The following TMCC3 variants were observed in gnomAD, a reference collection of about 807,000 sequenced individuals.
TMCC3 encodes the protein transmembrane and coiled-coil domain family 3.
In TMCC3, 28 loss-of-function variants were observed where a neutral mutation model predicts 40.2. That is an observed-to-expected ratio of 0.70 (90% confidence interval 0.52 to 0.95). The LOEUF (loss-of-function observed/expected upper bound fraction) is 0.95. Ranked by LOEUF, TMCC3 falls within the 40% of genes least tolerant of loss-of-function variation. The pLI, the probability that TMCC3 is intolerant of heterozygous loss-of-function variation, is 0.00. For missense variants in TMCC3, 554 were observed against 615.2 expected, an observed-to-expected ratio of 0.90 and a Z score of 1.05; for synonymous variants, 255 against 248.5, an observed-to-expected ratio of 1.03 and a Z score of -0.25.
chr12:94,571,114 T>C lies in TMCC3; in HGVS notation c.*321A>G, dbSNP rs141407604. Reference sequence around the variant, plus strand: ...GACAGAGACTTAGGAGAGAGACCTCTTTCTTCAGGATCACCAATTATGCCA... The same window carrying C: ...GACAGAGACTTAGGAGAGAGACCTCCTTCTTCAGGATCACCAATTATGCCA... On this transcript the variant is annotated 3_prime_UTR_variant, in exon 4 of 4. Transcript: ENST00000261226. The C allele has an allele frequency of 0.013, 3,960 of 298,196 alleles. 43 individuals are homozygous for C. The highest frequency in any genetic ancestry group is 0.017 in the Non-Finnish European group (2,652 of 159,114). The allele number at this position is 298,196 out of a possible 1,614,324, so 18.5% of individuals were successfully genotyped here. A position where few individuals can be genotyped will look rare whatever the true frequency, so the allele number is the denominator to read the frequency against.
At chr12:94,648,957 C>T (rs1055055721) in intron 1 of TMCC3, among the ~76,000 whole-genome samples, 5 of 152,218 alleles carry the variant, frequency 3.3e-5, no homozygotes, top group Admixed American at 6.5e-5. Flanking sequence ...AGCATTACAG[C>T]TATCCAAGAA....
chr12:94,579,717 A>C (rs1160199738), intron 2 of TMCC3, among the ~76,000 whole-genome samples: 1 of 152,236 alleles, frequency 6.6e-6, no homozygotes, highest in Non-Finnish European at 1.5e-5. Context: ...ATTCTCAGGC[A>C]TGACTTCTCA....
chr12:94,625,774 C>T (rs1594293737), intron 1 of TMCC3, among the ~76,000 whole-genome samples: 2 of 152,176 alleles, frequency 1.3e-5, no homozygotes, highest in South Asian at 2.1e-4. Flanking sequence ...TGCCCTGCAG[C>T]AGTCACTACT....
At position 94,571,418 on chromosome 12, in the gene TMCC3, G is replaced by A. The variant is rs200168281; in HGVS notation, c.*17C>T. The A allele has an allele frequency of 3.2e-4, 507 of 1,603,198 alleles. No homozygotes were observed. The highest frequency in any genetic ancestry group is 4.2e-4 in the Non-Finnish European group (490 of 1,172,506). ...AAATAAAAACTTGAAAGAACTTGAA[G>A]GCAGGAACCAGTGGCTTCATCTTGG... On this transcript the variant is annotated 3_prime_UTR_variant, in exon 4 of 4. Coordinates refer to ENST00000261226, the MANE Select transcript of TMCC3 (RefSeq NM_020698.4).
At chr12:94,622,984 T>C (rs1012867172) in intron 1 of TMCC3, among the ~76,000 whole-genome samples, 1 of 152,200 alleles carries the variant, frequency 6.6e-6, no homozygotes, top group African/African-American at 2.4e-5. Context: ...TACAAATAAA[T>C]ACCTAGGCAA....
chr12:94,617,345 G>A (rs1467480648), intron 1 of TMCC3, among the ~76,000 whole-genome samples: 2 of 152,164 alleles, frequency 1.3e-5, no homozygotes, highest in African/African-American at 4.8e-5. Flanking sequence ...TCAAATCCCA[G>A]CTTCTGCCTC....
At chr12:94,613,391 T>C (rs777214407) in intron 1 of TMCC3, among the ~76,000 whole-genome samples, 22 of 152,052 alleles carry the variant, frequency 1.4e-4, no homozygotes, top group Non-Finnish European at 3.1e-4. Context: ...AGGATGAGCC[T>C]GGGAGGTTGA....
In TMCC3 at chr12:94,575,808, T is replaced by A. The variant is rs999396036; in HGVS notation, c.1131+2586A>T. Among the ~76,000 whole-genome samples the A allele has an allele frequency of 2.6e-5, 4 of 152,334 alleles. No homozygotes were observed. In the South Asian group the frequency reaches 8.3e-4, roughly 32 times the overall value. On this transcript the variant is annotated intron_variant, in intron 3 of 3. Transcript: ENST00000261226. ...CTGTTCACTTGGCAACATTTTTATT[T>A]GTTTTTTGGAGACAAGGTCTTGCTC...
Position 94,568,813 on chromosome 12 carries a change from ATT to A in TMCC3, c.*2620_*2621del, listed in dbSNP as rs894482622. On this transcript the variant is annotated 3_prime_UTR_variant, in exon 4 of 4. Coordinates refer to ENST00000261226, the MANE Select transcript of TMCC3 (RefSeq NM_020698.4). ...CCAAGTGAAAACAAGGTTATTTGACATTTAGTGAGAGTCAATGAAAATATGAA... is the reference window on the plus strand; with the variant it reads ...CCAAGTGAAAACAAGGTTATTTGACATAGTGAGAGTCAATGAAAATATGAA... The A allele has an allele frequency of 5.3e-5, 8 of 152,226 alleles. No homozygotes were observed. Among genetic ancestry groups the A allele is most frequent in the African/African-American group, 1.9e-4 (8 of 41,448 alleles). The allele number at this position is 152,226 out of a possible 1,614,324, so 9.4% of individuals were successfully genotyped here. A position where few individuals can be genotyped will look rare whatever the true frequency, so the allele number is the denominator to read the frequency against.
intron 1 of TMCC3, among the ~76,000 whole-genome samples, chr12:94,609,376 T>C (rs1485327673): frequency 6.6e-6 from 1 of 152,158 alleles, no homozygotes; most frequent in African/African-American, 2.4e-5. Flanking sequence ...CCCAGCTCCC[T>C]ATTTACCAAA....
In TMCC3 at chr12:94,571,451, A is replaced by C; in HGVS notation, c.1418T>G (p.Met473Arg). The C allele has an allele frequency of 6.2e-7, 1 of 1,612,752 alleles. No individual in the cohort carries two copies. The highest frequency in any genetic ancestry group is 8.5e-7 in the Non-Finnish European group (1 of 1,178,720). The change falls in exon 4 of 4, where the codon ATG becomes AGG. Residue 473 changes from methionine to arginine, a missense_variant. Coordinates refer to ENST00000261226, the MANE Select transcript of TMCC3 (RefSeq NM_020698.4). ...WDHILCAIER[M>R]IIPR ...CCAGTGGCTTCATCTTGGTATTATC[A>C]TCCTTTCTATGGCACACAGGATATG...
intron 1 of TMCC3, among the ~76,000 whole-genome samples, chr12:94,618,572 C>T (rs948897145): frequency 4.6e-5 from 7 of 152,178 alleles, no homozygotes; most frequent in African/African-American, 1.7e-4. Flanking sequence ...ACTCTTATTC[C>T]TGGCTGTCTT....
At chr12:94,607,076 T>C (rs983252309) in intron 1 of TMCC3, among the ~76,000 whole-genome samples, 1 of 152,178 alleles carries the variant, frequency 6.6e-6, no homozygotes, top group Non-Finnish European at 1.5e-5. Context: ...AGGAATGCAT[T>C]CCTTCCGCAC....
chr12:94,632,121 A>G (rs993064694), intron 1 of TMCC3, among the ~76,000 whole-genome samples: 35 of 152,268 alleles, frequency 2.3e-4, no homozygotes, highest in African/African-American at 8.4e-4. Context: ...GACAGAAATG[A>G]GATCAGTAAC....
intron 1 of TMCC3, among the ~76,000 whole-genome samples, chr12:94,587,794 C>T (rs755080950): frequency 2.0e-5 from 3 of 152,148 alleles, no homozygotes; most frequent in Admixed American, 1.3e-4. Flanking sequence ...TGGGGTTATG[C>T]GGGGTCATTC....
chr12:94,601,683 C>T (rs184395808), intron 1 of TMCC3, among the ~76,000 whole-genome samples: 40 of 151,476 alleles, frequency 2.6e-4, no homozygotes, highest in African/African-American at 9.7e-4. Flanking sequence ...TGGTGCACAC[C>T]TGTAATGCCA....
intron 1 of TMCC3, among the ~76,000 whole-genome samples, chr12:94,630,487 T>C (rs970138469): frequency 6.6e-6 from 1 of 152,140 alleles, no homozygotes; most frequent in African/African-American, 2.4e-5. Flanking sequence ...GGGATGATCC[T>C]GGACAAGTCG....
rs1441187699 is a variant in TMCC3, at chr12:94,567,819, A to G, written c.*3616T>C. On this transcript the variant is annotated 3_prime_UTR_variant, in exon 4 of 4. Coordinates refer to ENST00000261226, the MANE Select transcript of TMCC3 (RefSeq NM_020698.4). ...TATTTAAATGTTTTTCCAAACCAAT[A>G]CAACTATATCTGGATTCACTGCAAA... is the stretch of plus-strand genomic sequence containing the variant. The G allele has an allele frequency of 6.6e-6, 1 of 152,234 alleles. No individual in the cohort carries two copies. The highest frequency in any genetic ancestry group is 1.9e-4 in the East Asian group (1 of 5,206). The allele number at this position is 152,234 out of a possible 1,614,324, so 9.4% of individuals were successfully genotyped here.
At chr12:94,605,284 G>A (rs2138854295) in intron 1 of TMCC3, among the ~76,000 whole-genome samples, 1 of 152,286 alleles carries the variant, frequency 6.6e-6, no homozygotes, top group East Asian at 1.9e-4. Context: ...AAAAGAAAAG[G>A]AGGCTTATCT....
Sources: allele counts gnomAD v4.1 joint callset (sites outside exome capture counted in the v4.1 genomes callset), GRCh38; gene constraint gnomAD v4.1.1; transcripts MANE v1.5; gene names NCBI Gene and HGNC (gene_info 2026-07-23, HGNC 2026-07-21).